IL1RL2: variants seen among roughly 807,000 people sequenced by gnomAD.
IL1RL2 encodes interleukin 1 receptor like 2, also known as interleukin-1 receptor-like 2.
IL1RL2 carries 68 observed loss-of-function variants against 66.8 expected under a neutral mutation model. That is an observed-to-expected ratio of 1.02 (90% CI 0.84 to 1.25). The LOEUF is 1.25. IL1RL2 is among the 50% of genes most tolerant of loss of function. The probability of loss-of-function intolerance (pLI) is 0.00; values close to 1 mark genes in which losing one functional copy is unlikely to be tolerated. For synonymous variants in IL1RL2, 305 were observed against 264.6 expected, an observed-to-expected ratio of 1.15 and a Z score of -1.48; for missense variants, 729 against 709.3, an observed-to-expected ratio of 1.03 and a Z score of -0.32.
intron 9 of IL1RL2, among the ~76,000 whole-genome samples, chr2:102,230,417 T>C (rs1691020078): frequency 6.6e-6 from 1 of 152,212 alleles, no homozygotes; most frequent in Non-Finnish European, 1.5e-5. Context: ...TTTTTGCCAA[T>C]TCAAGACACA....
chr2:102,219,823 T>A, intron 7 of IL1RL2, 58 bp from the exon 8 acceptor site: 1 of 1,481,490 alleles, frequency 6.7e-7, no homozygotes, highest in South Asian at 1.2e-5. Context: ...AAACAGATTA[T>A]AAAATATGTT....
chr2:102,217,787 T>A (rs1689741981), intron 6 of IL1RL2, among the ~76,000 whole-genome samples: 2 of 152,132 alleles, frequency 1.3e-5, no homozygotes, highest in African/African-American at 4.8e-5. Context: ...CAACTTGAAA[T>A]GGATTAAAGA....
intron 7 of IL1RL2, 53 bp from the exon 8 acceptor site, chr2:102,219,826 AAT>A: frequency 6.7e-7 from 1 of 1,491,162 alleles, no homozygotes; most frequent in Non-Finnish European, 9.2e-7. Context: ...CAGATTATAA[AAT>A]ATGTTGGGTA....
chr2:102,203,088 A>G (rs891741404), intron 5 of IL1RL2, among the ~76,000 whole-genome samples: 1 of 152,088 alleles, frequency 6.6e-6, no homozygotes. Flanking sequence ...TTTTATCATG[A>G]CCTGCTGAAT....
intron 8 of IL1RL2, among the ~76,000 whole-genome samples, chr2:102,223,784 G>A (rs1169202022): frequency 2.6e-5 from 4 of 152,214 alleles, no homozygotes; most frequent in African/African-American, 7.2e-5. Context: ...TCCCAGACAC[G>A]AGTCGTCCCA....
At chr2:102,191,785 G>A in intron 3 of IL1RL2, 140 bp from the exon 4 acceptor site, 2 of 598,716 alleles carry the variant, frequency 3.3e-6, no homozygotes, top group Non-Finnish European at 5.8e-6. Context: ...TGAATCATTT[G>A]TGGATGCTTA....
chr2:102,200,076 G>A (rs11123912), intron 4 of IL1RL2, among the ~76,000 whole-genome samples: 44,857 of 143,672 alleles, frequency 0.31, 7,507 homozygotes, highest in Admixed American at 0.44. Context: ...AGGATCCCCC[G>A]AGCTCAGGAA....
chr2:102,189,028 A>T, intron 2 of IL1RL2, 48 bp from the exon 3 acceptor site: 2 of 1,390,430 alleles, frequency 1.4e-6, no homozygotes, highest in Non-Finnish European at 2.0e-6. Context: ...AATAAAACTG[A>T]AGTTTTCTTT....
At chr2:102,230,079 A>G (rs1690984135) in intron 9 of IL1RL2, among the ~76,000 whole-genome samples, 1 of 152,222 alleles carries the variant, frequency 6.6e-6, no homozygotes, top group Admixed American at 6.5e-5. Flanking sequence ...GTAGTTTAGA[A>G]TAGACCAGGA....
intron 6 of IL1RL2, among the ~76,000 whole-genome samples, chr2:102,213,167 TA>T (rs1689324777): frequency 1.3e-5 from 2 of 152,148 alleles, no homozygotes; most frequent in Non-Finnish European, 2.9e-5. Flanking sequence ...GTTTCAGTTG[TA>T]GGGGGAGATT....
chr2:102,219,808 C>G, intron 7 of IL1RL2, 73 bp from the exon 8 acceptor site: 1 of 1,428,782 alleles, frequency 7.0e-7, no homozygotes, highest in Non-Finnish European at 9.7e-7. Flanking sequence ...CACTTTATCT[C>G]CAGAAAACAG....
chr2:102,201,757 G>C, intron 5 of IL1RL2, 42 bp downstream of exon 5: 1 of 1,585,814 alleles, frequency 6.3e-7, no homozygotes, highest in Non-Finnish European at 8.6e-7. Context: ...TATTCTCTTG[G>C]CTTTGTGTGA....
At chr2:102,229,926 AAG>A (rs1690971417) in intron 9 of IL1RL2, among the ~76,000 whole-genome samples, 1 of 152,232 alleles carries the variant, frequency 6.6e-6, no homozygotes, top group Admixed American at 6.5e-5. Context: ...ACATTCGCAA[AAG>A]AGAGAATACA....
intron 8 of IL1RL2, 22 bp downstream of exon 8, chr2:102,220,039 C>T (rs1455384541): frequency 2.5e-6 from 4 of 1,600,322 alleles, no homozygotes; most frequent in South Asian, 1.1e-5. Context: ...GTGGGTTACA[C>T]ACTGTTCAGA....
intron 3 of IL1RL2, 56 bp from the exon 4 acceptor site, chr2:102,191,869 T>G (rs1214324888): frequency 1.6e-5 from 19 of 1,175,564 alleles, no homozygotes; most frequent in Non-Finnish European, 2.1e-5. Context: ...TGAGTGGAAT[T>G]ATTTGATTTT....
In IL1RL2 at chr2:102,191,942, A is replaced by G. The variant is rs1687263824; in HGVS notation, c.311A>G (p.His104Arg). 1.9e-6 allele frequency: 3 copies of G among 1,610,888 alleles called. No homozygotes were observed. The highest frequency in any genetic ancestry group is 2.5e-6 in the Non-Finnish European group (3 of 1,178,542). Reference sequence around the variant, plus strand: ...TCTTACAGGGGTAGAGACAGCTGTCATAGAATACATGTAAACCTAACTGTT... The same window carrying G: ...TCTTACAGGGGTAGAGACAGCTGTCGTAGAATACATGTAAACCTAACTGTT... ...QCVIKGRDSC[H>R]RIHVNLTVFE... Residue 104 changes from histidine (H) to arginine (R), a missense_variant, in exon 4 of 12, where the codon CAT (histidine) becomes CGT (arginine). Coordinates refer to ENST00000264257, the MANE Select transcript of IL1RL2 (RefSeq NM_003854.4).
At position 102,228,054 on chromosome 2, in the gene IL1RL2, G is replaced by C. The variant is rs144960650; in HGVS notation, c.1135+2013G>C. On this transcript the variant is annotated intron_variant, in intron 9 of 11. Coordinates refer to ENST00000264257, the MANE Select transcript of IL1RL2 (RefSeq NM_003854.4). ...GGGACGCAGCCCAGATTCTGCAACA[G>C]TGGGCAGAGGATTTGGCGATGGAGG... 7.2e-4 allele frequency among the ~76,000 whole-genome samples: 110 copies of C among 152,348 alleles called. 2 individuals are homozygous for C. Among genetic ancestry groups the C allele is most frequent in the African/African-American group, 2.5e-3 (106 of 41,582 alleles).
In IL1RL2 at chr2:102,218,988, A is replaced by C. The variant is rs778898869; in HGVS notation, c.760A>C (p.Thr254Pro). The C allele has an allele frequency of 6.2e-7, 1 of 1,613,560 alleles. No homozygotes were observed. Among genetic ancestry groups the C allele is most frequent in the Non-Finnish European group, 8.5e-7 (1 of 1,179,568 alleles). Residue 254 changes from threonine to proline, a missense_variant, in exon 7 of 12, where the codon ACC becomes CCC. Thr to Pro is a conservative substitution (Grantham distance 38, BLOSUM62 -1). Transcript: ENST00000264257. ...GATTGTGGACTGCAATGTAACAGAC[A>C]CCAAGGATAATACAAATCTACGATG... is the stretch of plus-strand genomic sequence containing the variant. ...TLIVDCNVTD[T>P]KDNTNLRCWR...
intron 8 of IL1RL2, among the ~76,000 whole-genome samples, chr2:102,223,186 G>A (rs1367186074): frequency 1.3e-5 from 2 of 152,176 alleles, no homozygotes; most frequent in Non-Finnish European, 2.9e-5. Flanking sequence ...TGTTGACTTA[G>A]TTTTGTTTGT....
Sources: allele counts gnomAD v4.1 joint callset (sites outside exome capture counted in the v4.1 genomes callset), GRCh38; gene constraint gnomAD v4.1.1; transcripts MANE v1.5; gene names NCBI Gene and HGNC (gene_info 2026-07-23, HGNC 2026-07-21).